The following CENPE variants were observed in gnomAD, a reference collection of about 807,000 sequenced individuals.
CENPE encodes centromere-associated protein E.
Under a neutral mutation model 336.1 loss-of-function variants are expected in CENPE, and 145 were observed. That is an observed-to-expected ratio of 0.43 (90% CI 0.38 to 0.50). The LOEUF (loss-of-function observed/expected upper bound fraction) is 0.50, where lower values mean the gene tolerates loss of function less well. Among genes scored for constraint, CENPE ranks in the 20% least tolerant of loss-of-function variants. The pLI is 0.00. For synonymous variants in CENPE, 1,013 were observed against 984.8 expected (o/e 1.03, Z -0.54); for missense variants, 2,719 against 3,023.3 (o/e 0.90, Z 2.36).
At position 103,176,970 on chromosome 4, in the gene CENPE, A is replaced by C; in HGVS notation, c.1319T>G (p.Phe440Cys). 1 of 1,605,482 alleles carries C rather than the reference A, an allele frequency of 6.2e-7. No individual in the cohort carries two copies. The highest frequency in any genetic ancestry group is 8.5e-7 in the Non-Finnish European group (1 of 1,175,728). The change falls in exon 14 of 49, where the codon TTT becomes TGT. Residue 440 changes from phenylalanine (F) to cysteine (C), a missense_variant. Phe to Cys is a radical substitution (Grantham distance 205). Transcript: ENST00000265148. ...TGTTGTTATATTTGTTGGTATATTA[A>C]ATTGATCTGCATAGTTTGAGTTCTT... ...KMKNSNYADQ[F>C]NIPTNITTKT...
chr4:103,111,971 C>T (rs1276398072), intron 46 of CENPE, among the ~76,000 whole-genome samples: 9 of 151,446 alleles, frequency 5.9e-5, no homozygotes, highest in African/African-American at 1.2e-4. Context: ...TCTTTATGTA[C>T]GTGTGTGTGC....
intron 21 of CENPE, among the ~76,000 whole-genome samples, chr4:103,159,714 T>G (rs976045421): frequency 1.2e-4 from 19 of 152,038 alleles, no homozygotes; most frequent in East Asian, 1.2e-3. Flanking sequence ...TCCAAAAACT[T>G]AATCAATGAA....
At chr4:103,149,043 A>T (rs202011662) in intron 27 of CENPE, 44 bp from the exon 28 acceptor site, 257 of 1,596,238 alleles carry the variant, frequency 1.6e-4, no homozygotes, top group Middle Eastern at 5.0e-4. Flanking sequence ...TTCTTCCAAC[A>T]TTGCTCCCCT....
chr4:103,145,756 C>G, intron 30 of CENPE, 73 bp downstream of exon 30: 1 of 1,515,552 alleles, frequency 6.6e-7, no homozygotes, highest in South Asian at 1.3e-5. Flanking sequence ...CTCCCCTTTC[C>G]AAATATTTAG....
Position 103,141,628 on chromosome 4 carries a change from C to T in CENPE, c.5463+122G>A, listed in dbSNP as rs74759168. On this transcript the variant is annotated intron_variant, in intron 35 of 48. Coordinates refer to ENST00000265148, the MANE Select transcript of CENPE (RefSeq NM_001813.3). ...GAAATGTTGGGCCTCAGGCAGGCTA[C>T]ATCCAGCATTAGTAAATACTGCCAA... is the stretch of plus-strand genomic sequence containing the variant. 4.4e-3 allele frequency: 2,775 copies of T among 635,996 alleles called. 54 individuals are homozygous for T. The African/African-American group carries it at 0.047, about 11-fold the overall frequency. The allele number at this position is 635,996 out of a possible 1,614,324, so 39.4% of individuals were successfully genotyped here.
chr4:103,124,393 T>G (rs573029787), intron 42 of CENPE, among the ~76,000 whole-genome samples: 1 of 152,250 alleles, frequency 6.6e-6, no homozygotes, highest in Admixed American at 6.5e-5. Flanking sequence ...ATCTGCAAGA[T>G]GATAATCTCA....
chr4:103,195,926 A>T lies in CENPE; in HGVS notation c.351T>A (p.Ile117=), dbSNP rs1005853929. The change falls in exon 4 of 49, where the codon ATT becomes ATA. Residue 117 remains isoleucine (I), a synonymous_variant. Coordinates refer to ENST00000265148, the MANE Select transcript of CENPE (RefSeq NM_001813.3). ...ATCCAGTTAAGTTACTTACCTTCTT[A>T]ATTTTTTGGAAAATGTCATGAATTG... ...PRAIHDIFQK[I]KKFPDREFLL... is the part of the protein sequence containing the mutation. 6.2e-7 allele frequency: 1 copy of T among 1,603,726 alleles called. No homozygotes were observed. The highest frequency in any genetic ancestry group is 8.5e-7 in the Non-Finnish European group (1 of 1,170,606).
intron 8 of CENPE, among the ~76,000 whole-genome samples, chr4:103,191,533 C>T (rs912211417): frequency 1.3e-5 from 2 of 150,490 alleles, no homozygotes; most frequent in Non-Finnish European, 3.0e-5. Flanking sequence ...TCATTCTCAG[C>T]AAACTATCGC....
rs549669521 is a variant in CENPE at position 103,184,076 on chromosome 4, A to T, written c.746-788T>A. On this transcript the variant is annotated intron_variant, in intron 9 of 48. Coordinates refer to ENST00000265148, the MANE Select transcript of CENPE (RefSeq NM_001813.3). ...TCAGTCTACTGCCTATACAAAAAAA[A>T]TTGTAAAAATAATTTTGAACAGATG... Among the ~76,000 whole-genome samples the T allele has an allele frequency of 2.0e-5, 3 of 152,356 alleles. No homozygotes were observed. The South Asian group carries it at 6.2e-4, about 32-fold the overall frequency.
chr4:103,196,447 T>C (rs1363409862), intron 2 of CENPE, among the ~76,000 whole-genome samples, 195 bp from the exon 3 acceptor site: 1 of 152,204 alleles, frequency 6.6e-6, no homozygotes, highest in Non-Finnish European at 1.5e-5. Flanking sequence ...TGAGTTCATT[T>C]TCACACACAA....
At chr4:103,186,498 C>G (rs6847357) in intron 8 of CENPE, among the ~76,000 whole-genome samples, 24,086 of 152,170 alleles carry the variant, frequency 0.16, 2,322 homozygotes, top group Non-Finnish European at 0.2. Context: ...CTGTACTATG[C>G]TGTAGCAATA....
At position 103,153,073 on chromosome 4, in the gene CENPE, T is replaced by C. The variant is rs778420017; in HGVS notation, c.3211A>G (p.Thr1071Ala). ...ATTTCAATATTTTCCTTTAGGTCAG[T>C]CTTCAATTGTTCCTTTTCTGCTATA... Reference protein sequence around the residue: ...SVIAEKEQLKTDLKENIEMTI... With the variant: ...SVIAEKEQLKADLKENIEMTI... The change falls in exon 25 of 49, where the codon ACT becomes GCT. Residue 1071 changes from threonine to alanine, a missense_variant. Around this residue, in one of 5 missense-constraint regions of CENPE, gnomAD observed 2,437 missense variants for 2,513.3 expected, o/e 0.97. Coordinates refer to ENST00000265148, the MANE Select transcript of CENPE (RefSeq NM_001813.3). 3 of 1,612,552 alleles carry C rather than the reference T, an allele frequency of 1.9e-6. No individual in the cohort carries two copies. Among genetic ancestry groups the C allele is most frequent in the South Asian group, 1.1e-5 (1 of 90,914 alleles).
At chr4:103,183,141 T>C (rs964688500) in intron 10 of CENPE, 60 bp downstream of exon 10, 8 of 1,270,734 alleles carry the variant, frequency 6.3e-6, no homozygotes, top group African/African-American at 1.5e-5. Context: ...AATGTTGCAA[T>C]GTTCAACCTA....
In CENPE at chr4:103,183,165, G is replaced by A. The variant is rs746708445; in HGVS notation, c.833+36C>T. 2.8e-6 allele frequency: 4 copies of A among 1,445,948 alleles called. No homozygotes were observed. The African/African-American group carries it at 4.2e-5, about 15-fold the overall frequency. 89.6% of individuals were successfully genotyped at this position (1,445,948 alleles called of 1,614,324 possible). ...ATGTTCAACCTAATGAAAAATATAA[G>A]AATCAGTAGGTAAGTGCACAACGGG... On this transcript the variant is annotated intron_variant, in intron 10 of 48. Transcript: ENST00000265148.
intron 42 of CENPE, among the ~76,000 whole-genome samples, chr4:103,127,006 T>C (rs953033071): frequency 2.7e-5 from 4 of 150,600 alleles, no homozygotes; most frequent in African/African-American, 4.9e-5. Flanking sequence ...GCAGGAATAT[T>C]TGAAGTAATA....
At chr4:103,132,364 T>C (rs192004881) in intron 42 of CENPE, among the ~76,000 whole-genome samples, 3 of 152,292 alleles carry the variant, frequency 2.0e-5, no homozygotes, top group African/African-American at 7.2e-5. Context: ...TGAAACAGAC[T>C]CATGTCTTAC....
At position 103,151,266 on chromosome 4, in the gene CENPE, T is replaced by C. The variant is rs1753530191; in HGVS notation, c.3349A>G (p.Arg1117Gly). The C allele has an allele frequency of 3.7e-6, 6 of 1,605,668 alleles. No individual in the cohort carries two copies. Among genetic ancestry groups the C allele is most frequent in the African/African-American group, 1.3e-5 (1 of 74,270 alleles). Residue 1117 changes from arginine (R) to glycine (G), a missense_variant, in exon 26 of 49, where the codon AGG becomes GGG. Physicochemically the swap from Arg to Gly is moderately radical, Grantham distance 125. Transcript: ENST00000265148. ...ACTTCTGCCAGTCTGTCACAGGTCC[T>C]AGAAAGCTCTCCTTCTTTCTTTATG... ...HAIKKEGELS[R>G]TCDRLAEVEE...
At chr4:103,109,279 CA>C (rs1292075667) in intron 47 of CENPE, among the ~76,000 whole-genome samples, 190 bp from the exon 48 acceptor site, 3 of 151,996 alleles carry the variant, frequency 2.0e-5, no homozygotes, top group Non-Finnish European at 2.9e-5. Context: ...GTTCAGAAAA[CA>C]AAATGGATCT....
In CENPE at chr4:103,138,374, T is replaced by C. The variant is rs1752251556; in HGVS notation, c.6280A>G (p.Arg2094Gly). Reference sequence around the variant, plus strand: ...ACTTTTATTCTAGAGCACTTTTCTCTCAGGCTTTCCGTAAGGTGCTGTTGT... The same window carrying C: ...ACTTTTATTCTAGAGCACTTTTCTCCCAGGCTTTCCGTAAGGTGCTGTTGT... ...DGQQHLTESL[R>G]EKCSRIKELL... is the part of the protein sequence containing the mutation. The change falls in exon 39 of 49, where the codon AGA becomes GGA. Residue 2094 changes from arginine to glycine, a missense_variant. Around this residue, in one of 5 missense-constraint regions of CENPE, gnomAD observed 2,437 missense variants for 2,513.3 expected, o/e 0.97. Transcript: ENST00000265148. 6.2e-7 allele frequency: 1 copy of C among 1,612,870 alleles called. No individual in the cohort carries two copies. The highest frequency in any genetic ancestry group is 8.5e-7 in the Non-Finnish European group (1 of 1,178,822).
Sources: allele counts gnomAD v4.1 joint callset (sites outside exome capture counted in the v4.1 genomes callset), GRCh38; gene constraint gnomAD v4.1.1; regional missense constraint gnomAD v4.1.1; transcripts MANE v1.5; gene names NCBI Gene and HGNC (gene_info 2026-07-23, HGNC 2026-07-21).